The following ZCCHC7 variants were observed in gnomAD, a reference collection of about 807,000 sequenced individuals.
ZCCHC7 encodes zinc finger CCHC-type containing 7, also known as zinc finger CCHC domain-containing protein 7.
Under a neutral mutation model 52.0 loss-of-function variants are expected in ZCCHC7, and 35 were observed. That is an observed-to-expected ratio of 0.67 (90% CI 0.51 to 0.89). The LOEUF is 0.89. Ranked by LOEUF, ZCCHC7 falls within the 40% of genes least tolerant of loss-of-function variation. ZCCHC7 has a pLI of 0.00. For missense variants in ZCCHC7, 574 were observed against 649.1 expected (o/e 0.88, Z 1.26); for synonymous variants, 217 against 221.5 (o/e 0.98, Z 0.18).
chr9:37,120,644 C>T (rs1029564414), intron 1 of ZCCHC7, 21 bp downstream of exon 1: 3 of 391,560 alleles, frequency 7.7e-6, no homozygotes, highest in Non-Finnish European at 9.0e-6. Context: ...GTGTGACGGA[C>T]CCCCGCCGCC....
intron 2 of ZCCHC7, among the ~76,000 whole-genome samples, chr9:37,280,935 A>T (rs1827928829): frequency 6.6e-6 from 1 of 152,176 alleles, no homozygotes; most frequent in Admixed American, 6.5e-5. Context: ...AAAAGTAATA[A>T]TGTGTGATTT....
rs1232051848 is a variant in ZCCHC7, at chr9:37,230,608, AT to A, written c.611-71576del. ...TTCTTTTTTTAAAATAATAAAATAT[AT>A]TTTGAATTTTCTACTCAATATTTTT... On this transcript the variant is annotated intron_variant, in intron 2 of 8. Coordinates refer to ENST00000336755, the MANE Select transcript of ZCCHC7 (RefSeq NM_032226.3). 2.6e-5 allele frequency among the ~76,000 whole-genome samples: 4 copies of A among 152,238 alleles called. No individual in the cohort carries two copies. The East Asian group carries it at 7.7e-4, about 29-fold the overall frequency.
intron 2 of ZCCHC7, among the ~76,000 whole-genome samples, chr9:37,272,581 C>A (rs1427150208): frequency 6.6e-6 from 1 of 151,444 alleles, no homozygotes; most frequent in Non-Finnish European, 1.5e-5. Flanking sequence ...CATTCCTCCC[C>A]TCTTTCATAT....
chr9:37,160,948 A>C (rs975657041), intron 2 of ZCCHC7, among the ~76,000 whole-genome samples: 9 of 151,690 alleles, frequency 5.9e-5, no homozygotes, highest in African/African-American at 2.4e-5. Flanking sequence ...GGTGGGGCTC[A>C]ATAATTTTTT....
intron 2 of ZCCHC7, among the ~76,000 whole-genome samples, chr9:37,227,549 T>C (rs961871729): frequency 2.6e-5 from 4 of 152,186 alleles, no homozygotes; most frequent in Admixed American, 6.5e-5. Context: ...TTTCTAAATA[T>C]ATACCTTACC....
intron 6 of ZCCHC7, among the ~76,000 whole-genome samples, chr9:37,344,404 A>G (rs1356290843): frequency 6.6e-6 from 1 of 152,178 alleles, no homozygotes; most frequent in East Asian, 1.9e-4. Flanking sequence ...TAAAGCCCTA[A>G]GTGATCTGGT....
chr9:37,332,638 A>G (rs1404183938), intron 6 of ZCCHC7, among the ~76,000 whole-genome samples: 1 of 150,942 alleles, frequency 6.6e-6, no homozygotes, highest in South Asian at 2.1e-4. Context: ...TTTAATCTTT[A>G]TTTCACTGGC....
At chr9:37,300,381 C>T (rs1828974113) in intron 2 of ZCCHC7, among the ~76,000 whole-genome samples, 2 of 152,198 alleles carry the variant, frequency 1.3e-5, no homozygotes, top group South Asian at 4.1e-4. Flanking sequence ...ATGCTTCATA[C>T]ATGGATCCTT....
chr9:37,324,928 GTTTTA>G (rs1184150376), intron 5 of ZCCHC7, among the ~76,000 whole-genome samples: 1 of 152,200 alleles, frequency 6.6e-6, no homozygotes, highest in Non-Finnish European at 1.5e-5. Flanking sequence ...AAGATTGAGT[GTTTTA>G]TTTTCTTTGA....
intron 5 of ZCCHC7, chr9:37,322,301 A>C (rs1188430593): frequency 3.3e-5 from 5 of 152,102 alleles, no homozygotes; most frequent in African/African-American, 1.2e-4. Context: ...GGTTGTTAAC[A>C]GTCAGTTGCA....
intron 6 of ZCCHC7, among the ~76,000 whole-genome samples, chr9:37,341,027 T>C (rs1442882939): frequency 6.6e-6 from 1 of 152,222 alleles, no homozygotes; most frequent in Non-Finnish European, 1.5e-5. Context: ...TACATTTCTT[T>C]CAGGGGCTAA....
intron 2 of ZCCHC7, among the ~76,000 whole-genome samples, chr9:37,135,797 A>G (rs1394479986): frequency 6.6e-6 from 1 of 152,222 alleles, no homozygotes; most frequent in Admixed American, 6.5e-5. Flanking sequence ...CTTATGGCAG[A>G]AAGTGTTTTA....
intron 2 of ZCCHC7, among the ~76,000 whole-genome samples, chr9:37,135,487 C>T (rs1009132032): frequency 6.6e-5 from 10 of 152,046 alleles, no homozygotes; most frequent in African/African-American, 2.4e-4. Flanking sequence ...TTGAAGAAAC[C>T]ATATTAGTTC....
chr9:37,257,554 T>C (rs1314320917), intron 2 of ZCCHC7, among the ~76,000 whole-genome samples: 1 of 152,140 alleles, frequency 6.6e-6, no homozygotes, highest in Non-Finnish European at 1.5e-5. Flanking sequence ...TTTCGGAAAA[T>C]AGATTTTTCA....
intron 2 of ZCCHC7, among the ~76,000 whole-genome samples, chr9:37,201,385 A>G (rs1428455619): frequency 2.0e-5 from 3 of 152,228 alleles, no homozygotes; most frequent in African/African-American, 7.2e-5. Flanking sequence ...TATTGTCAGC[A>G]TATTATAATA....
intron 2 of ZCCHC7, among the ~76,000 whole-genome samples, chr9:37,233,775 G>A (rs2133323909): frequency 1.3e-5 from 2 of 152,290 alleles, no homozygotes; most frequent in East Asian, 3.9e-4. Flanking sequence ...AAATGATGGA[G>A]GGTTTTAGAA....
chr9:37,128,958 C>T (rs1487022064), intron 2 of ZCCHC7, among the ~76,000 whole-genome samples: 3 of 152,196 alleles, frequency 2.0e-5, no homozygotes, highest in Non-Finnish European at 4.4e-5. Flanking sequence ...CACCTAGTTT[C>T]ATTAATCACT....
chr9:37,275,201 A>C (rs1411475283), intron 2 of ZCCHC7, among the ~76,000 whole-genome samples: 1 of 152,144 alleles, frequency 6.6e-6, no homozygotes, highest in Non-Finnish European at 1.5e-5. Context: ...CCCTTGCAGT[A>C]ACCTTCTCCT....
intron 2 of ZCCHC7, among the ~76,000 whole-genome samples, chr9:37,278,345 T>G (rs2133552526): frequency 6.6e-6 from 1 of 152,282 alleles, no homozygotes; most frequent in East Asian, 1.9e-4. Context: ...TAAATGGAAA[T>G]TTTAGAACTG....
Sources: gnomAD v4.1 joint callset for allele counts (sites outside exome capture counted in the v4.1 genomes callset) on GRCh38, gnomAD v4.1.1 for gene constraint, MANE v1.5 for transcripts, NCBI Gene and HGNC (gene_info 2026-07-23, HGNC 2026-07-21) for gene names.